Variants in ERBB4 observed in about 807,000 individuals in gnomAD.
The protein encoded by ERBB4 is erb-b2 receptor tyrosine kinase 4, also known as receptor tyrosine-protein kinase erbB-4.
In ERBB4, 42 loss-of-function variants were observed where a neutral mutation model predicts 158.0. The ratio of observed to expected loss-of-function variants is 0.27; its 90% CI spans 0.21 to 0.34. The LOEUF is 0.34. Among genes scored for constraint, ERBB4 ranks in the 10% least tolerant of loss-of-function variants. The pLI, the probability that ERBB4 is intolerant of heterozygous loss-of-function variation, is 1.00. For synonymous variants in ERBB4, 583 were observed against 558.7 expected (o/e 1.04, Z -0.61); for missense variants, 1,333 against 1,624.1 (o/e 0.82, Z 3.08).
intron 1 of ERBB4, among the ~76,000 whole-genome samples, chr2:212,519,157 G>A (rs1045097843): frequency 6.6e-6 from 1 of 151,916 alleles, no homozygotes; most frequent in Non-Finnish European, 1.5e-5. Flanking sequence ...ATCCAGAGAG[G>A]CTTACTAGCC....
intron 4 of ERBB4, among the ~76,000 whole-genome samples, chr2:211,759,661 T>C (rs1477132865): frequency 1.3e-5 from 2 of 152,160 alleles, no homozygotes; most frequent in African/African-American, 4.8e-5. Context: ...CCTGACCCAC[T>C]ACATTTAAAT....
intron 1 of ERBB4, among the ~76,000 whole-genome samples, chr2:212,492,022 T>C (rs917913936): frequency 2.6e-4 from 39 of 151,632 alleles, no homozygotes; most frequent in African/African-American, 9.4e-4. Context: ...GCATGCTCTT[T>C]TAAGCAGAGA....
chr2:211,478,039 C>A (rs2064999547), intron 20 of ERBB4, among the ~76,000 whole-genome samples: 5 of 152,126 alleles, frequency 3.3e-5, no homozygotes, highest in Admixed American at 3.3e-4. Context: ...CTCATGAATT[C>A]TTGGCATTCA....
Position 211,379,070 on chromosome 2 carries a change from A to AT in ERBB4, c.*4544dup, listed in dbSNP as rs1317698397. 1 of 231,424 alleles carries AT rather than the reference A, an allele frequency of 4.3e-6. No homozygotes were observed. The highest frequency in any genetic ancestry group is 2.2e-5 in the African/African-American group (1 of 45,234). The allele number at this position is 231,424 out of a possible 1,614,324, so 14.3% of individuals were successfully genotyped here. ...ATAACTAAAGTCCAAAAGAATGGCA[A>AT]TGCAATAGTTTGAAACGCTTGGTTT... is the stretch of plus-strand genomic sequence containing the variant. On this transcript the variant is annotated 3_prime_UTR_variant, in exon 28 of 28. Coordinates refer to ENST00000342788, the MANE Select transcript of ERBB4 (RefSeq NM_005235.3).
At chr2:211,600,969 G>C (rs983456130) in intron 19 of ERBB4, among the ~76,000 whole-genome samples, 5 of 152,038 alleles carry the variant, frequency 3.3e-5, no homozygotes, top group African/African-American at 1.2e-4. Flanking sequence ...CAAATCAACA[G>C]ATATTTGTGC....
intron 1 of ERBB4, among the ~76,000 whole-genome samples, chr2:212,249,213 C>T (rs903246585): frequency 6.6e-6 from 1 of 151,884 alleles, no homozygotes; most frequent in Non-Finnish European, 1.5e-5. Context: ...GCTTTGATTT[C>T]CTGCTCAGAA....
intron 19 of ERBB4, among the ~76,000 whole-genome samples, chr2:211,613,501 T>C (rs1285955973): frequency 6.6e-6 from 1 of 151,960 alleles, no homozygotes; most frequent in Non-Finnish European, 1.5e-5. Context: ...GAGAAAATAT[T>C]TGCAAACTAG....
chr2:211,784,296 C>G (rs1219734727), intron 4 of ERBB4, among the ~76,000 whole-genome samples: 1 of 152,154 alleles, frequency 6.6e-6, no homozygotes, highest in Non-Finnish European at 1.5e-5. Flanking sequence ...ATTCTACATT[C>G]TGTTTTCTTT....
At chr2:212,212,551 TA>T (rs59628689) in intron 1 of ERBB4, among the ~76,000 whole-genome samples, 84,850 of 148,666 alleles carry the variant, frequency 0.57, 24,035 homozygotes, top group East Asian at 0.77. Context: ...TTCACAGAAT[TA>T]AAAAAAAAAA....
At chr2:212,331,760 T>C (rs1297107141) in intron 1 of ERBB4, among the ~76,000 whole-genome samples, 1 of 152,082 alleles carries the variant, frequency 6.6e-6, no homozygotes, top group Non-Finnish European at 1.5e-5. Context: ...AACTATAAAC[T>C]CTTTGAGGGC....
intron 1 of ERBB4, among the ~76,000 whole-genome samples, chr2:212,501,874 T>A (rs1690911554): frequency 6.6e-6 from 1 of 152,212 alleles, no homozygotes. Flanking sequence ...AAACTACAAA[T>A]GAAATGATCA....
At chr2:212,445,118 G>C (rs1274689699) in intron 1 of ERBB4, among the ~76,000 whole-genome samples, 1 of 151,988 alleles carries the variant, frequency 6.6e-6, no homozygotes, top group South Asian at 2.1e-4. Context: ...CCAGCATCCT[G>C]AGGTAGTTGG....
chr2:212,003,144 G>GAAAGAAAGAAA (rs1559292290), intron 2 of ERBB4, among the ~76,000 whole-genome samples: 2 of 12,588 alleles, frequency 1.6e-4, no homozygotes, highest in African/African-American at 3.9e-4. Flanking sequence ...AAGGAAGGAA[G>GAAAGAAAGAAA]GAAGGAAAGA....
At chr2:212,197,353 A>G (rs1476081222) in intron 1 of ERBB4, among the ~76,000 whole-genome samples, 1 of 152,316 alleles carries the variant, frequency 6.6e-6, no homozygotes, top group South Asian at 2.1e-4. Flanking sequence ...TTTGGAGCCA[A>G]TTTAGAAGAA....
chr2:211,516,285 T>C (rs1160289598), intron 20 of ERBB4, among the ~76,000 whole-genome samples: 3 of 151,892 alleles, frequency 2.0e-5, no homozygotes, highest in African/African-American at 7.2e-5. Context: ...GCCTTGCTTA[T>C]GGAATCTCTT....
At chr2:212,262,607 C>T (rs902800173) in intron 1 of ERBB4, among the ~76,000 whole-genome samples, 4 of 152,038 alleles carry the variant, frequency 2.6e-5, no homozygotes, top group Non-Finnish European at 2.9e-5. Flanking sequence ...GGCAAAATTT[C>T]GTCTCACAGT....
chr2:212,129,191 T>C (rs549115614), intron 1 of ERBB4, among the ~76,000 whole-genome samples: 1 of 151,812 alleles, frequency 6.6e-6, no homozygotes, highest in African/African-American at 2.4e-5. Context: ...ATAATTTATG[T>C]TGTATAGTTT....
intron 1 of ERBB4, among the ~76,000 whole-genome samples, chr2:212,389,736 A>G (rs1256298895): frequency 6.6e-6 from 1 of 152,030 alleles, no homozygotes; most frequent in African/African-American, 2.4e-5. Context: ...TATATTGTGT[A>G]CTTGGCATTA....
chr2:212,516,813 T>C (rs1301502518), intron 1 of ERBB4, among the ~76,000 whole-genome samples: 1 of 152,122 alleles, frequency 6.6e-6, no homozygotes, highest in Non-Finnish European at 1.5e-5. Context: ...CAAATATTCT[T>C]GGTCTTTGTC....
Sources: gnomAD v4.1 joint callset for allele counts (sites outside exome capture counted in the v4.1 genomes callset) on GRCh38, gnomAD v4.1.1 for gene constraint, MANE v1.5 for transcripts, NCBI Gene and HGNC (gene_info 2026-07-23, HGNC 2026-07-21) for gene names.